The following DNAH7 variants were observed in gnomAD, a reference collection of about 807,000 sequenced individuals.
DNAH7 encodes dynein axonemal heavy chain 7.
A neutral mutation model predicts 444.6 loss-of-function variants in DNAH7; 397 were observed. The observed-to-expected ratio is 0.89, with a 90% CI of 0.82 to 0.97. The LOEUF (loss-of-function observed/expected upper bound fraction) is 0.97, where lower values mean the gene tolerates loss of function less well. DNAH7 is among the 50% of genes least tolerant of loss of function. The pLI is 0.00. For missense variants in DNAH7, 4,902 were observed against 4,800.8 expected, an observed-to-expected ratio of 1.02 and a Z score of -0.62; for synonymous variants, 1,636 against 1,624.4, an observed-to-expected ratio of 1.01 and a Z score of -0.17.
intron 15 of DNAH7, among the ~76,000 whole-genome samples, chr2:195,977,307 A>G (rs1173852667): frequency 2.0e-5 from 3 of 152,236 alleles, no homozygotes; most frequent in Non-Finnish European, 2.9e-5. Flanking sequence ...ATTTGAAATA[A>G]TGAAAAAAGA....
chr2:195,805,828 T>C (rs1265289572), intron 54 of DNAH7, among the ~76,000 whole-genome samples: 1 of 152,156 alleles, frequency 6.6e-6, no homozygotes, highest in Non-Finnish European at 1.5e-5. Flanking sequence ...CATGCAAGAA[T>C]TACATGTGTT....
chr2:195,824,345 C>T lies in DNAH7; in HGVS notation c.9201G>A (p.Gly3067=). The T allele has an allele frequency of 6.2e-7, 1 of 1,613,636 alleles. No individual in the cohort carries two copies. Among genetic ancestry groups the T allele is most frequent in the East Asian group, 2.2e-5 (1 of 44,852 alleles). Residue 3067 remains glycine (G), a synonymous_variant, in exon 49 of 65, where the codon GGG becomes GGA. Coordinates refer to ENST00000312428, the MANE Select transcript of DNAH7 (RefSeq NM_018897.3). ...CAGGTGCATATTCAATTGTGGAGTC[C>T]CCAAGCCGGATACATGTACTCCCAC... The part of the protein sequence containing the change: ...KQGGSTCIRL[G]DSTIEYAPDF...
chr2:195,801,073 T>C (rs1696426469), intron 54 of DNAH7, among the ~76,000 whole-genome samples: 1 of 152,158 alleles, frequency 6.6e-6, no homozygotes, highest in Admixed American at 6.6e-5. Context: ...TGCCATGCTG[T>C]GACATTGCAC....
chr2:195,798,193 C>T (rs1457159637), intron 55 of DNAH7, among the ~76,000 whole-genome samples: 1 of 151,990 alleles, frequency 6.6e-6, no homozygotes, highest in Admixed American at 6.6e-5. Context: ...AGCTACATGG[C>T]CTTTGAGGAG....
At chr2:196,014,189 A>G (rs1449802120) in intron 9 of DNAH7, among the ~76,000 whole-genome samples, 1 of 152,194 alleles carries the variant, frequency 6.6e-6, no homozygotes, top group Non-Finnish European at 1.5e-5. Context: ...GATAGTCCCT[A>G]CAATAACCCA....
intron 1 of DNAH7, among the ~76,000 whole-genome samples, chr2:196,064,729 T>C (rs906970884): frequency 6.6e-6 from 1 of 152,230 alleles, no homozygotes; most frequent in Non-Finnish European, 1.5e-5. Flanking sequence ...TTTTTAATAT[T>C]ACATTTTTGA....
At chr2:195,753,509 G>A (rs558064199) in intron 63 of DNAH7, among the ~76,000 whole-genome samples, 1 of 152,270 alleles carries the variant, frequency 6.6e-6, no homozygotes, top group African/African-American at 2.4e-5. Flanking sequence ...GTTCCCTGTT[G>A]ATATCTCCAG....
chr2:195,971,216 T>A (rs1339247578), intron 16 of DNAH7, among the ~76,000 whole-genome samples: 1 of 152,228 alleles, frequency 6.6e-6, no homozygotes, highest in African/African-American at 2.4e-5. Context: ...AAAGGACATC[T>A]GTACTGGCTG....
chr2:195,949,282 T>A, intron 19 of DNAH7, among the ~76,000 whole-genome samples: 1 of 152,232 alleles, frequency 6.6e-6, no homozygotes, highest in East Asian at 1.9e-4. Context: ...ACCACTTATT[T>A]ATTTATTTAT....
chr2:195,825,532 A>C (rs977951998), intron 48 of DNAH7, among the ~76,000 whole-genome samples: 1 of 152,178 alleles, frequency 6.6e-6, no homozygotes, highest in Non-Finnish European at 1.5e-5. Context: ...CAATTATTAG[A>C]TATTTGGATT....
rs61502519 is a variant in DNAH7, at chr2:195,897,767, T to TAAAAA, written c.4549-7_4549-3dup. On this transcript the variant is annotated splice_region_variant and splice_polypyrimidine_tract_variant and intron_variant, in intron 28 of 64. Coordinates refer to ENST00000312428, the MANE Select transcript of DNAH7 (RefSeq NM_018897.3). ...TTCATTTTCATTTGGATATTTCAGC[T>TAAAAA]AAAAAAAAAAAAAAAAACTCATGAG... 2.3e-5 allele frequency: 26 copies of TAAAAA among 1,145,404 alleles called. No homozygotes were observed. Among genetic ancestry groups the TAAAAA allele is most frequent in the Admixed American group, 2.8e-5 (1 of 35,444 alleles). 71.0% of individuals were successfully genotyped at this position (1,145,404 alleles called of 1,614,324 possible).
chr2:195,965,768 A>G (rs1691430065), intron 17 of DNAH7, among the ~76,000 whole-genome samples: 1 of 152,148 alleles, frequency 6.6e-6, no homozygotes, highest in Admixed American at 6.5e-5. Context: ...TGCTCACAGT[A>G]GCCACTATTG....
In DNAH7 at chr2:195,792,394, TACACACACACAC is replaced by T. The variant is rs59046004; in HGVS notation, c.10716+1932_10716+1943del. 1.6e-3 allele frequency among the ~76,000 whole-genome samples: 188 copies of T among 117,330 alleles called. 1 individual carries two copies. The highest frequency in any genetic ancestry group is 5.1e-3 in the African/African-American group (156 of 30,878). 77.0% of individuals were successfully genotyped at this position (117,330 alleles called of 152,430 possible). A position where few individuals can be genotyped will look rare whatever the true frequency, so the allele number is the denominator to read the frequency against. On this transcript the variant is annotated intron_variant, in intron 57 of 64. Transcript: ENST00000312428. ...TTGAAAGTACAAAAAAACCAAAAAA[TACACACACACAC>T]ACACACACACACACACACACACACA...
At chr2:195,965,509 A>G (rs1691413243) in intron 17 of DNAH7, among the ~76,000 whole-genome samples, 1 of 151,874 alleles carries the variant, frequency 6.6e-6, no homozygotes, top group Admixed American at 6.5e-5. Flanking sequence ...ATTCTCTCCT[A>G]TATTTTTCAG....
intron 12 of DNAH7, among the ~76,000 whole-genome samples, chr2:195,997,609 T>C (rs1306987198): frequency 6.6e-6 from 1 of 152,194 alleles, no homozygotes; most frequent in Non-Finnish European, 1.5e-5. Context: ...GCATATCACA[T>C]TAAATCAGGA....
intron 31 of DNAH7, among the ~76,000 whole-genome samples, chr2:195,889,661 A>G (rs926947234): frequency 6.6e-6 from 1 of 152,208 alleles, no homozygotes; most frequent in Non-Finnish European, 1.5e-5. Flanking sequence ...ATGTTTTAGA[A>G]AGTAATATAA....
intron 42 of DNAH7, 94 bp downstream of exon 42, chr2:195,861,623 G>A (rs1029830810): frequency 8.9e-5 from 74 of 834,002 alleles, no homozygotes; most frequent in South Asian, 7.6e-4. Flanking sequence ...ATATTTCTAC[G>A]AAATAAATCT....
chr2:195,915,587 C>CT (rs1375498273), intron 24 of DNAH7, among the ~76,000 whole-genome samples: 1 of 152,158 alleles, frequency 6.6e-6, no homozygotes, highest in African/African-American at 2.4e-5. Context: ...CTTTTATTGA[C>CT]TATATCAGCC....
intron 5 of DNAH7, among the ~76,000 whole-genome samples, chr2:196,040,851 T>G (rs1371233487): frequency 6.6e-6 from 1 of 152,088 alleles, no homozygotes; most frequent in East Asian, 1.9e-4. Context: ...TTGTTAGAAC[T>G]GATAAATGAT....
Sources: gnomAD v4.1 joint callset for allele counts (sites outside exome capture counted in the v4.1 genomes callset) on GRCh38, gnomAD v4.1.1 for gene constraint, MANE v1.5 for transcripts, NCBI Gene and HGNC (gene_info 2026-07-23, HGNC 2026-07-21) for gene names.